Variants in TBC1D4 observed in about 807,000 individuals in gnomAD.
The protein encoded by TBC1D4 is TBC (Tre-2, BUB2, CDC16) domain-containing protein.
TBC1D4 carries 121 observed loss-of-function variants against 142.5 expected under a neutral mutation model. That is an observed-to-expected ratio of 0.85 (90% CI 0.73 to 0.99). The LOEUF (loss-of-function observed/expected upper bound fraction) is 0.99, where lower values mean the gene tolerates loss of function less well. TBC1D4 is among the 50% of genes least tolerant of loss of function. TBC1D4 has a pLI of 0.00. For synonymous variants in TBC1D4, 630 were observed against 628.2 expected (o/e 1.00, Z -0.04); for missense variants, 1,475 against 1,606.6 (o/e 0.92, Z 1.40).
chr13:75,339,601 A>G (rs1247747103), intron 7 of TBC1D4, among the ~76,000 whole-genome samples: 1 of 142,586 alleles, frequency 7.0e-6, no homozygotes, highest in Non-Finnish European at 1.6e-5. Flanking sequence ...TTTTTTTTTG[A>G]GACGGAGTCT....
In TBC1D4 at chr13:75,467,571, G is replaced by A. The variant is rs145808160; in HGVS notation, c.498+13699C>T. On this transcript the variant is annotated intron_variant, in intron 1 of 20. Coordinates refer to ENST00000377636, the MANE Select transcript of TBC1D4 (RefSeq NM_014832.5). ...TGCTCATACTAGACAGACTATGAAG[G>A]AGGAGAAAAGGCCCTTTTGAGGAAG... Among the ~76,000 whole-genome samples, 31 of 152,318 alleles carry A rather than the reference G, an allele frequency of 2.0e-4. No individual in the cohort carries two copies. In the East Asian group the frequency reaches 6.0e-3, roughly 29 times the overall value.
intron 1 of TBC1D4, among the ~76,000 whole-genome samples, chr13:75,374,254 C>T (rs572782432): frequency 4.1e-4 from 63 of 152,226 alleles, no homozygotes; most frequent in African/African-American, 1.4e-3. Context: ...AATCCGATGA[C>T]ACCATGACCT....
chr13:75,294,120 T>A (rs573427210), intron 18 of TBC1D4, among the ~76,000 whole-genome samples: 2 of 152,228 alleles, frequency 1.3e-5, no homozygotes, highest in African/African-American at 4.8e-5. Flanking sequence ...GTTGTTTTAA[T>A]TTTTGCTTTT....
At chr13:75,404,389 A>G (rs1593849044) in intron 1 of TBC1D4, among the ~76,000 whole-genome samples, 2 of 152,304 alleles carry the variant, frequency 1.3e-5, no homozygotes, top group East Asian at 3.9e-4. Flanking sequence ...CTGTTTCAGA[A>G]TCCCATCTAG....
At chr13:75,461,567 A>T (rs1331220122) in intron 1 of TBC1D4, among the ~76,000 whole-genome samples, 2 of 152,226 alleles carry the variant, frequency 1.3e-5, no homozygotes, top group African/African-American at 4.8e-5. Context: ...AGCCACTGAA[A>T]GCAATGTTTA....
At chr13:75,295,499 G>A (rs935906301) in intron 17 of TBC1D4, among the ~76,000 whole-genome samples, 7 of 152,274 alleles carry the variant, frequency 4.6e-5, no homozygotes, top group Non-Finnish European at 7.4e-5. Context: ...TGCACTGCTA[G>A]GAGAGAATTA....
chr13:75,287,257 C>A (rs1248909260), intron 20 of TBC1D4, among the ~76,000 whole-genome samples: 1 of 152,106 alleles, frequency 6.6e-6, no homozygotes, highest in African/African-American at 2.4e-5. Flanking sequence ...ACTAAATCAC[C>A]CCCCTCACCA....
At chr13:75,366,751 T>C (rs1307401591) in intron 1 of TBC1D4, among the ~76,000 whole-genome samples, 5 of 152,180 alleles carry the variant, frequency 3.3e-5, no homozygotes, top group East Asian at 1.9e-4. Context: ...TTGGTTATCA[T>C]AGTTACTTAA....
chr13:75,425,551 G>A (rs12876647), intron 1 of TBC1D4, among the ~76,000 whole-genome samples: 8,750 of 152,230 alleles, frequency 0.057, 366 homozygotes, highest in Non-Finnish European at 0.084. Context: ...CAATAGCCAA[G>A]ATATGAAATC....
At position 75,324,603 on chromosome 13, in the gene TBC1D4, A is replaced by C. The variant is rs540958347; in HGVS notation, c.2034-202T>G. The stretch of plus-strand genomic sequence containing the variant: ...CTATGACCTAATTTCATTCCTTTAC[A>C]ATTTGAATTCCTTATCTATACAGTA... On this transcript the variant is annotated intron_variant, in intron 10 of 20. Transcript: ENST00000377636. Among the ~76,000 whole-genome samples the C allele has an allele frequency of 8.5e-5, 13 of 152,284 alleles. No homozygotes were observed. In the South Asian group the frequency reaches 2.7e-3, roughly 32 times the overall value.
At position 75,482,064 on chromosome 13, in the gene TBC1D4, C is replaced by A. The variant is rs890629745; in HGVS notation, c.-297G>T. On this transcript the variant is annotated 5_prime_UTR_variant, in exon 1 of 21. Transcript: ENST00000377636. ...CCTCGGGCAGGACCTCCCCTTCCTC[C>A]GTCGCGGGTTTGCAGGGTCAGAGGA... 4 of 315,552 alleles carry A rather than the reference C, an allele frequency of 1.3e-5. No homozygotes were observed. The highest frequency in any genetic ancestry group is 2.3e-5 in the Non-Finnish European group (4 of 174,796). 19.5% of individuals were successfully genotyped at this position (315,552 alleles called of 1,614,324 possible).
At chr13:75,440,285 G>A (rs1242125485) in intron 1 of TBC1D4, among the ~76,000 whole-genome samples, 1 of 152,156 alleles carries the variant, frequency 6.6e-6, no homozygotes, top group Non-Finnish European at 1.5e-5. Flanking sequence ...GCAGAACCCT[G>A]GAGAAGTCTG....
chr13:75,421,568 A>G (rs1000980040), intron 1 of TBC1D4, among the ~76,000 whole-genome samples: 2 of 152,206 alleles, frequency 1.3e-5, no homozygotes, highest in African/African-American at 4.8e-5. Context: ...TATTTTTGCT[A>G]AGAACAATTA....
intron 11 of TBC1D4, among the ~76,000 whole-genome samples, chr13:75,320,908 C>T (rs868568316): frequency 2.0e-5 from 3 of 148,160 alleles, no homozygotes; most frequent in Admixed American, 6.8e-5. Flanking sequence ...GGCATGGTGG[C>T]GGGCGCCTGT....
intron 19 of TBC1D4, 119 bp from the exon 20 acceptor site, chr13:75,289,229 C>T (rs1196354100): frequency 4.5e-5 from 52 of 1,158,596 alleles, no homozygotes; most frequent in Non-Finnish European, 6.4e-5. Flanking sequence ...AACATTAAAG[C>T]ATAAAAAAGC....
chr13:75,310,479 G>T (rs1382572700), intron 13 of TBC1D4, among the ~76,000 whole-genome samples: 2 of 152,060 alleles, frequency 1.3e-5, no homozygotes, highest in Non-Finnish European at 1.5e-5. Context: ...ATATTCTCTG[G>T]CTGTGAGGAA....
intron 19 of TBC1D4, among the ~76,000 whole-genome samples, chr13:75,291,456 TG>T (rs1875299142): frequency 1.3e-5 from 2 of 152,226 alleles, no homozygotes; most frequent in African/African-American, 2.4e-5. Flanking sequence ...CCTGGACAGC[TG>T]TGTTGGATTG....
chr13:75,314,889 AG>A (rs56699700), intron 12 of TBC1D4, among the ~76,000 whole-genome samples: 3,210 of 152,210 alleles, frequency 0.021, 116 homozygotes, highest in African/African-American at 0.072. Context: ...CTGAGGCACA[AG>A]GTTCTCTTGA....
chr13:75,383,097 G>A (rs749299076), intron 1 of TBC1D4, among the ~76,000 whole-genome samples: 2 of 152,150 alleles, frequency 1.3e-5, no homozygotes, highest in Non-Finnish European at 2.9e-5. Context: ...AGAGGCAGGC[G>A]GCTCACTTGA....
Sources: allele counts gnomAD v4.1 joint callset (sites outside exome capture counted in the v4.1 genomes callset), GRCh38; gene constraint gnomAD v4.1.1; transcripts MANE v1.5; gene names NCBI Gene and HGNC (gene_info 2026-07-23, HGNC 2026-07-21).